The following DCC variants were observed in gnomAD, a reference collection of about 807,000 sequenced individuals.
DCC encodes the protein netrin receptor DCC.
A neutral mutation model predicts 172.5 loss-of-function variants in DCC; 58 were observed. The observed-to-expected ratio is 0.34, with a 90% CI of 0.27 to 0.42. The LOEUF (loss-of-function observed/expected upper bound fraction) is 0.42. DCC is among the 10% of genes least tolerant of loss of function. The pLI, the probability that DCC is intolerant of heterozygous loss-of-function variation, is 1.00. For synonymous variants in DCC, 709 were observed against 644.5 expected (o/e 1.10, Z -1.52); for missense variants, 1,740 against 1,791.0 (o/e 0.97, Z 0.51).
At chr18:53,047,278 A>ATATATAATTT (rs2042256817) in intron 5 of DCC, among the ~76,000 whole-genome samples, 1 of 17,970 alleles carries the variant, frequency 5.6e-5, no homozygotes, top group African/African-American at 4.2e-4. Flanking sequence ...ATATATATAT[A>ATATATAATTT]TATATATATA....
chr18:53,285,734 C>T (rs1347664891), intron 12 of DCC, among the ~76,000 whole-genome samples: 5 of 152,174 alleles, frequency 3.3e-5, no homozygotes, highest in African/African-American at 9.6e-5. Context: ...CTGGAGAAGC[C>T]ACAAACGCTC....
intron 25 of DCC, among the ~76,000 whole-genome samples, chr18:53,485,418 T>A (rs964915632): frequency 6.6e-6 from 1 of 152,226 alleles, no homozygotes; most frequent in East Asian, 1.9e-4. Context: ...AATTGAAATA[T>A]CACTTAGATC....
At chr18:53,486,299 A>G (rs930152385) in intron 25 of DCC, among the ~76,000 whole-genome samples, 2 of 152,184 alleles carry the variant, frequency 1.3e-5, no homozygotes, top group African/African-American at 4.8e-5. Flanking sequence ...AATCCTAAGT[A>G]TGACTATTGA....
At chr18:53,353,733 T>C (rs1013648393) in intron 15 of DCC, among the ~76,000 whole-genome samples, 4 of 152,226 alleles carry the variant, frequency 2.6e-5, no homozygotes, top group African/African-American at 9.6e-5. Flanking sequence ...ATTTCATATA[T>C]TACCTTGTTT....
intron 5 of DCC, among the ~76,000 whole-genome samples, chr18:52,960,095 T>C (rs145925992): frequency 0.014 from 2,062 of 152,198 alleles, 62 homozygotes; most frequent in African/African-American, 0.048. Flanking sequence ...CACGCATGCA[T>C]GCACACACGC....
intron 1 of DCC, among the ~76,000 whole-genome samples, chr18:52,746,018 G>T (rs1266942527): frequency 6.6e-6 from 1 of 152,114 alleles, no homozygotes; most frequent in Non-Finnish European, 1.5e-5. Context: ...CTGCTCCATT[G>T]CATGGCCTCA....
At chr18:53,470,659 A>T (rs892131269) in intron 25 of DCC, among the ~76,000 whole-genome samples, 6 of 152,164 alleles carry the variant, frequency 3.9e-5, no homozygotes, top group African/African-American at 4.8e-5. Context: ...AGGCCTCATG[A>T]AACTCAGAAT....
chr18:53,301,139 G>C (rs1202592509), intron 12 of DCC, among the ~76,000 whole-genome samples: 3 of 149,896 alleles, frequency 2.0e-5, no homozygotes, highest in South Asian at 2.1e-4. Flanking sequence ...GCCCAGGCTG[G>C]AGTGCAATGG....
intron 14 of DCC, among the ~76,000 whole-genome samples, chr18:53,334,454 T>C (rs151188456): frequency 9.8e-5 from 15 of 152,310 alleles, no homozygotes; most frequent in Non-Finnish European, 1.8e-4. Flanking sequence ...ATCCTAACAA[T>C]CTTTAAGTAT....
intron 9 of DCC, among the ~76,000 whole-genome samples, chr18:53,197,312 A>G (rs1405446541): frequency 6.6e-6 from 1 of 152,078 alleles, no homozygotes; most frequent in Non-Finnish European, 1.5e-5. Flanking sequence ...AAAGGGATAG[A>G]ATCAGCCACA....
At chr18:53,062,379 A>G (rs2042508025) in intron 5 of DCC, among the ~76,000 whole-genome samples, 1 of 152,128 alleles carries the variant, frequency 6.6e-6, no homozygotes, top group Admixed American at 6.6e-5. Flanking sequence ...ACAAAAACAC[A>G]GTCTACCTTT....
At chr18:52,613,079 A>G (rs983376812) in intron 1 of DCC, among the ~76,000 whole-genome samples, 1 of 152,174 alleles carries the variant, frequency 6.6e-6, no homozygotes, top group African/African-American at 2.4e-5. Flanking sequence ...GCTGGCTGCC[A>G]TATCTCTAGG....
intron 5 of DCC, among the ~76,000 whole-genome samples, chr18:52,971,133 GA>G (rs200119827): frequency 6.6e-6 from 1 of 151,866 alleles, no homozygotes; most frequent in Non-Finnish European, 1.5e-5. Flanking sequence ...CCCAGGGGCA[GA>G]AAAAAAACAC....
At chr18:53,011,445 A>C (rs2041729698) in intron 5 of DCC, among the ~76,000 whole-genome samples, 2 of 151,660 alleles carry the variant, frequency 1.3e-5, no homozygotes, top group Non-Finnish European at 3.0e-5. Context: ...GGATATTTTT[A>C]CTGATTTTGC....
chr18:52,942,846 T>C lies in DCC; in HGVS notation c.985+17476T>C, dbSNP rs142279341. Among the ~76,000 whole-genome samples, 762 of 152,208 alleles carry C rather than the reference T, an allele frequency of 5.0e-3. 6 individuals carry two copies. Among genetic ancestry groups the C allele is most frequent in the African/African-American group, 0.018 (731 of 41,512 alleles). ...AATATTTTGCCTTTTCCAAGGAGGG[T>C]TTGGCTTGTTCATATTTGTTGTCAC... On this transcript the variant is annotated intron_variant, in intron 5 of 28. Coordinates refer to ENST00000442544, the MANE Select transcript of DCC (RefSeq NM_005215.4).
intron 21 of DCC, among the ~76,000 whole-genome samples, chr18:53,430,961 G>A (rs1911572667): frequency 6.6e-6 from 1 of 152,052 alleles, no homozygotes; most frequent in South Asian, 2.1e-4. Flanking sequence ...GATTCCTTAT[G>A]AGGCCCATCT....
intron 7 of DCC, among the ~76,000 whole-genome samples, chr18:53,088,509 A>G (rs561004870): frequency 6.6e-6 from 1 of 152,302 alleles, no homozygotes; most frequent in South Asian, 2.1e-4. Context: ...TGGGGCTGAG[A>G]CAATGGGGTT....
chr18:52,962,595 C>T (rs1445926839), intron 5 of DCC, among the ~76,000 whole-genome samples: 1 of 151,850 alleles, frequency 6.6e-6, no homozygotes, highest in Non-Finnish European at 1.5e-5. Flanking sequence ...CCCAGCCATC[C>T]CATTACTGGG....
intron 1 of DCC, among the ~76,000 whole-genome samples, chr18:52,688,705 T>C (rs896142090): frequency 1.3e-5 from 2 of 152,114 alleles, no homozygotes; most frequent in South Asian, 2.1e-4. Flanking sequence ...TGCTTCACTA[T>C]AGTAATATTT....
Sources: allele counts gnomAD v4.1 joint callset (sites outside exome capture counted in the v4.1 genomes callset), GRCh38; gene constraint gnomAD v4.1.1; transcripts MANE v1.5; gene names NCBI Gene and HGNC (gene_info 2026-07-23, HGNC 2026-07-21).